Variants in EYS observed in about 807,000 individuals in gnomAD.
EYS encodes the protein protein eyes shut homolog.
Under a neutral mutation model 282.1 loss-of-function variants are expected in EYS, and 250 were observed. The observed-to-expected ratio is 0.89, with a 90% CI of 0.80 to 0.98. The LOEUF (loss-of-function observed/expected upper bound fraction) is 0.98. Among genes scored for constraint, EYS ranks in the 50% least tolerant of loss-of-function variants. EYS has a pLI of 0.00. For missense variants in EYS, 4,016 were observed against 3,709.0 expected (o/e 1.08, Z -2.15); for synonymous variants, 1,355 against 1,282.9 (o/e 1.06, Z -1.20).
At chr6:64,652,097 A>T (rs755063430) in intron 22 of EYS, among the ~76,000 whole-genome samples, 7 of 152,218 alleles carry the variant, frequency 4.6e-5, no homozygotes, top group African/African-American at 9.6e-5. Flanking sequence ...ATTTTAGGAC[A>T]GTTATTCTCA....
chr6:63,846,591 T>C (rs1224522536), intron 36 of EYS, among the ~76,000 whole-genome samples: 3 of 152,232 alleles, frequency 2.0e-5, no homozygotes, highest in Admixed American at 1.3e-4. Flanking sequence ...CTGGAAAAGA[T>C]TGGATGTTCC....
chr6:64,304,012 A>G (rs367663365), intron 30 of EYS, among the ~76,000 whole-genome samples: 103 of 152,312 alleles, frequency 6.8e-4, no homozygotes, highest in African/African-American at 2.5e-3. Context: ...TCGTGGGTGA[A>G]TGATTGCTCT....
intron 12 of EYS, among the ~76,000 whole-genome samples, chr6:65,129,077 A>G (rs1335168794): frequency 2.0e-5 from 3 of 152,036 alleles, no homozygotes; most frequent in African/African-American, 7.2e-5. Context: ...TCCATATTCA[A>G]TAAATGGTGG....
At chr6:63,776,371 T>C (rs563370365) in intron 40 of EYS, among the ~76,000 whole-genome samples, 1 of 152,262 alleles carries the variant, frequency 6.6e-6, no homozygotes, top group African/African-American at 2.4e-5. Flanking sequence ...GAGAGAATCT[T>C]GACCCTCGAA....
intron 30 of EYS, among the ~76,000 whole-genome samples, chr6:64,259,379 T>A (rs1306740834): frequency 6.6e-6 from 1 of 152,052 alleles, no homozygotes; most frequent in African/African-American, 2.4e-5. Context: ...ATTTACTTTA[T>A]AAACCTTTTA....
intron 12 of EYS, among the ~76,000 whole-genome samples, chr6:65,098,788 T>C (rs1157683018): frequency 6.6e-6 from 1 of 150,812 alleles, no homozygotes; most frequent in African/African-American, 2.4e-5. Context: ...TGAAACATTA[T>C]TTATACTTCT....
chr6:65,583,856 A>G lies in EYS; in HGVS notation c.-333+55922T>C, dbSNP rs987864038. Reference sequence around the variant, plus strand: ...TTTATGTTTTACACAAAATAGGGATATTGACAGAATGTTAATATGTTCATA... The same window carrying G: ...TTTATGTTTTACACAAAATAGGGATGTTGACAGAATGTTAATATGTTCATA... On this transcript the variant is annotated intron_variant, in intron 2 of 42. Coordinates refer to ENST00000503581, the MANE Select transcript of EYS (RefSeq NM_001142800.2). 4.6e-5 allele frequency among the ~76,000 whole-genome samples: 7 copies of G among 152,184 alleles called. No homozygotes were observed. The South Asian group carries it at 1.5e-3, about 32-fold the overall frequency.
At chr6:63,818,654 C>A (rs888846240) in intron 36 of EYS, among the ~76,000 whole-genome samples, 1 of 152,182 alleles carries the variant, frequency 6.6e-6, no homozygotes, top group Non-Finnish European at 1.5e-5. Flanking sequence ...CTAGTCATTT[C>A]CCTGGACTCT....
intron 1 of EYS, among the ~76,000 whole-genome samples, chr6:65,670,180 C>T (rs1768348945): frequency 6.6e-6 from 1 of 151,916 alleles, no homozygotes; most frequent in Non-Finnish European, 1.5e-5. Flanking sequence ...AGTTTAGATG[C>T]CTTCTAATTG....
At chr6:65,684,082 T>C (rs944809331) in intron 1 of EYS, among the ~76,000 whole-genome samples, 41 of 152,128 alleles carry the variant, frequency 2.7e-4, no homozygotes, top group African/African-American at 9.9e-4. Context: ...ATTAAAGTCA[T>C]GATACTTGCC....
Position 64,545,783 on chromosome 6 carries a change from A to C in EYS, c.5644+44440T>G, listed in dbSNP as rs191598242. On this transcript the variant is annotated intron_variant, in intron 26 of 42. Coordinates refer to ENST00000503581, the MANE Select transcript of EYS (RefSeq NM_001142800.2). ...ACTCCCATTCACAATTGTTTCAAAG[A>C]GAATAAAATACCTGGGAATCCAACT... 2.0e-4 allele frequency among the ~76,000 whole-genome samples: 31 copies of C among 152,292 alleles called. No individual in the cohort carries two copies. The East Asian group carries it at 5.6e-3, about 28-fold the overall frequency.
chr6:64,007,383 T>A (rs967597386), intron 33 of EYS, among the ~76,000 whole-genome samples: 9 of 151,898 alleles, frequency 5.9e-5, no homozygotes, highest in African/African-American at 1.7e-4. Context: ...TTTTTTTTTT[T>A]AATTTCAATT....
At chr6:63,891,100 C>T (rs1191145083) in intron 35 of EYS, among the ~76,000 whole-genome samples, 1 of 152,112 alleles carries the variant, frequency 6.6e-6, no homozygotes, top group Non-Finnish European at 1.5e-5. Flanking sequence ...TAATTAATAG[C>T]CTACTGACAA....
intron 22 of EYS, among the ~76,000 whole-genome samples, chr6:64,697,745 C>A (rs974052682): frequency 5.3e-5 from 8 of 151,966 alleles, no homozygotes; most frequent in Non-Finnish European, 1.2e-4. Flanking sequence ...AGATTGAGAC[C>A]AACCTGGCTA....
intron 2 of EYS, among the ~76,000 whole-genome samples, chr6:65,620,508 T>C (rs1484973692): frequency 6.6e-6 from 1 of 151,702 alleles, no homozygotes; most frequent in Non-Finnish European, 1.5e-5. Flanking sequence ...AACCAGCTCC[T>C]GGATTCGTTA....
chr6:65,445,753 C>A (rs1263434017), intron 5 of EYS, among the ~76,000 whole-genome samples: 1 of 151,700 alleles, frequency 6.6e-6, no homozygotes, highest in Non-Finnish European at 1.5e-5. Flanking sequence ...ATTTAACCGT[C>A]ATGGAAAATC....
At chr6:65,009,948 G>A (rs1352706896) in intron 13 of EYS, among the ~76,000 whole-genome samples, 1 of 152,142 alleles carries the variant, frequency 6.6e-6, no homozygotes, top group Non-Finnish European at 1.5e-5. Context: ...TGGATTCCTA[G>A]GTATGGCAAA....
chr6:65,416,007 G>A (rs1054916602), intron 5 of EYS, among the ~76,000 whole-genome samples: 12 of 151,834 alleles, frequency 7.9e-5, no homozygotes, highest in African/African-American at 2.9e-4. Flanking sequence ...GAGGAGAGAG[G>A]AACAAGAAAT....
intron 14 of EYS, among the ~76,000 whole-genome samples, chr6:64,950,825 AT>A (rs1562272752): frequency 1.7e-5 from 2 of 116,694 alleles, no homozygotes; most frequent in South Asian, 2.7e-4. Flanking sequence ...ATATATATAT[AT>A]ATATATATTG....
Sources: allele counts gnomAD v4.1 joint callset (sites outside exome capture counted in the v4.1 genomes callset), GRCh38; gene constraint gnomAD v4.1.1; transcripts MANE v1.5; gene names NCBI Gene and HGNC (gene_info 2026-07-23, HGNC 2026-07-21).